The following MCF2L variants were observed in gnomAD, a reference collection of about 807,000 sequenced individuals.
The protein encoded by MCF2L is MCF.2 cell line derived transforming sequence like.
In MCF2L, 97 loss-of-function variants were observed where a neutral mutation model predicts 153.4. The observed-to-expected ratio is 0.63, with a 90% CI of 0.54 to 0.75. MCF2L has a LOEUF of 0.75. Among genes scored for constraint, MCF2L ranks in the 30% least tolerant of loss-of-function variants. MCF2L has a pLI of 0.00. For synonymous variants in MCF2L, 659 were observed against 632.2 expected (o/e 1.04, Z -0.64); for missense variants, 1,347 against 1,495.2 (o/e 0.90, Z 1.64).
At chr13:113,022,203 CCT>C (rs1279825308) in intron 2 of MCF2L, among the ~76,000 whole-genome samples, 1 of 151,730 alleles carries the variant, frequency 6.6e-6, no homozygotes, top group Non-Finnish European at 1.5e-5. Flanking sequence ...CCACTCTCCA[CCT>C]CTGTGTCCAC....
intron 21 of MCF2L, 123 bp from the exon 22 acceptor site, chr13:113,087,112 C>T (rs577291943): frequency 3.6e-5 from 28 of 786,570 alleles, no homozygotes; most frequent in African/African-American, 1.7e-4. Context: ...TTTCCTGGGA[C>T]GCCCTGCAGC....
At chr13:112,996,827 G>A (rs772463460) in intron 1 of MCF2L, among the ~76,000 whole-genome samples, 8 of 152,202 alleles carry the variant, frequency 5.3e-5, no homozygotes, top group African/African-American at 1.7e-4. Flanking sequence ...CTGGACGGGG[G>A]CTGTGTTGTG....
rs958535447 is a variant in MCF2L, at chr13:112,904,170, G to A, written c.169+1799G>A. Among the ~76,000 whole-genome samples the A allele has an allele frequency of 6.6e-6, 1 of 152,094 alleles. No homozygotes were observed. Among genetic ancestry groups the A allele is most frequent in the Non-Finnish European group, 1.5e-5 (1 of 68,004 alleles). On this transcript the variant is annotated intron_variant, in intron 2 of 29. Coordinates refer to the MCF2L transcript ENST00000375608. The surrounding 1 kb of genome is among the most constrained non-coding windows in gnomAD (Gnocchi z 4.2). Reference sequence around the variant, plus strand: ...GAGGTTAAGGTTAGGGTTAGGGGTTGGGACTGGGGTAGGGGTAGGTGTTAG... The same window carrying A: ...GAGGTTAAGGTTAGGGTTAGGGGTTAGGACTGGGGTAGGGGTAGGTGTTAG...
chr13:113,041,590 A>G (rs2006423), intron 3 of MCF2L, among the ~76,000 whole-genome samples: 61,256 of 149,188 alleles, frequency 0.41, 13,285 homozygotes, highest in African/African-American at 0.55. Flanking sequence ...CCCTGCCCCC[A>G]TGACCACAGT....
intron 2 of MCF2L, among the ~76,000 whole-genome samples, chr13:113,016,558 C>G (rs550433399): frequency 2.0e-5 from 3 of 152,168 alleles, no homozygotes; most frequent in Non-Finnish European, 4.4e-5. Flanking sequence ...CCAAAGCCTC[C>G]GTCGGCTCCT....
rs1029314693 is a variant in MCF2L, at chr13:113,028,569, C to T, written c.278+3811C>T. Among the ~76,000 whole-genome samples the T allele has an allele frequency of 2.6e-5, 4 of 152,230 alleles. No homozygotes were observed. Among genetic ancestry groups the T allele is most frequent in the African/African-American group, 7.2e-5 (3 of 41,464 alleles). On this transcript the variant is annotated intron_variant, in intron 3 of 29. Coordinates refer to ENST00000535094, the MANE Select transcript of MCF2L (RefSeq NM_001112732.3). The surrounding 1 kb of genome is among the most constrained non-coding windows in gnomAD (Gnocchi z 5.4). ...AGGCCCAGTCCCCGCTGTGGACACG[C>T]GGGCCCCAGGTTGCTCAGAGGCAGC...
chr13:113,050,451 C>T (rs755931647), intron 4 of MCF2L, among the ~76,000 whole-genome samples: 3 of 151,304 alleles, frequency 2.0e-5, no homozygotes, highest in Non-Finnish European at 4.4e-5. Flanking sequence ...CTGCATGGGG[C>T]CACAACTCTC....
chr13:113,000,801 C>A (rs993067258), intron 1 of MCF2L, among the ~76,000 whole-genome samples: 2 of 152,198 alleles, frequency 1.3e-5, no homozygotes, highest in African/African-American at 2.4e-5. Flanking sequence ...TAAGGCTCTG[C>A]GGAGAAAGGC....
In MCF2L at chr13:113,078,238, G is replaced by A. The variant is rs561762205; in HGVS notation, c.1661-125G>A. The stretch of plus-strand genomic sequence containing the variant: ...GCCTCAGAGGCCAAGTCCTGCCCAC[G>A]CCACCACCTGTGGCCTCAGAGGCCG... On this transcript the variant is annotated intron_variant, in intron 13 of 29. Transcript: ENST00000535094. 30 of 756,432 alleles carry A rather than the reference G, an allele frequency of 4.0e-5. 1 individual carries two copies. The highest frequency in any genetic ancestry group is 3.5e-4 in the South Asian group (22 of 62,020). The allele number at this position is 756,432 out of a possible 1,614,324, so 46.9% of individuals were successfully genotyped here.
chr13:112,980,026 A>C (rs998405313), intron 1 of MCF2L, among the ~76,000 whole-genome samples: 1 of 152,114 alleles, frequency 6.6e-6, no homozygotes, highest in Non-Finnish European at 1.5e-5. Context: ...CTCCGATTGG[A>C]AAGACGAGTG....
At chr13:112,936,575 A>C (rs967561489) in intron 2 of MCF2L, among the ~76,000 whole-genome samples, 2 of 152,242 alleles carry the variant, frequency 1.3e-5, no homozygotes, top group African/African-American at 4.8e-5. Context: ...CTGGCAGCAG[A>C]AAATTCAGGG....
At chr13:112,974,978 T>A (rs150981211) in intron 1 of MCF2L, among the ~76,000 whole-genome samples, 1 of 152,208 alleles carries the variant, frequency 6.6e-6, no homozygotes, top group African/African-American at 2.4e-5. Context: ...ACTCTCAACA[T>A]AGCCCCTTCT....
rs1027001334 is a variant in MCF2L at position 112,993,470 on chromosome 13, A to T, written c.80-21293A>T. On this transcript the variant is annotated intron_variant, in intron 1 of 29. Coordinates refer to ENST00000535094, the MANE Select transcript of MCF2L (RefSeq NM_001112732.3). The surrounding 1 kb of genome is among the most constrained non-coding windows in gnomAD (Gnocchi z 4.6). ...AGGGAGCAGGTGGCAGTCGGGAGGGACTGCATGGAAACAAGTGGCTTAGGA... is the reference window on the plus strand; with the variant it reads ...AGGGAGCAGGTGGCAGTCGGGAGGGTCTGCATGGAAACAAGTGGCTTAGGA... Among the ~76,000 whole-genome samples the T allele has an allele frequency of 1.3e-5, 2 of 151,864 alleles. No homozygotes were observed. Among genetic ancestry groups the T allele is most frequent in the Non-Finnish European group, 2.9e-5 (2 of 67,956 alleles).
chr13:113,037,459 G>A (rs555210693), intron 3 of MCF2L, among the ~76,000 whole-genome samples: 1 of 152,258 alleles, frequency 6.6e-6, no homozygotes, highest in East Asian at 1.9e-4. Context: ...GACTAAACTG[G>A]TTCAGAGCCA....
At chr13:113,019,950 C>T (rs143902672) in intron 2 of MCF2L, among the ~76,000 whole-genome samples, 219 of 152,296 alleles carry the variant, frequency 1.4e-3, no homozygotes, top group African/African-American at 4.5e-3. Flanking sequence ...TTGGGCCTCC[C>T]GGCCTATGGT....
rs374836916 is a variant in MCF2L, at chr13:113,002,290, G to A, written c.80-12473G>A. On this transcript the variant is annotated intron_variant, in intron 1 of 29. Coordinates refer to ENST00000535094, the MANE Select transcript of MCF2L (RefSeq NM_001112732.3). ...GCCCTTGGCCTGTGAGGGACTGTCT[G>A]TGCTGGTCCCAGAAGGCTGGGATCA... Among the ~76,000 whole-genome samples, 287 of 152,370 alleles carry A rather than the reference G, an allele frequency of 1.9e-3. 3 individuals carry two copies. Among genetic ancestry groups the A allele is most frequent in the South Asian group, 0.013 (61 of 4,832 alleles).
chr13:113,044,263 C>T (rs1033921377), intron 3 of MCF2L: 4 of 268,036 alleles, frequency 1.5e-5, no homozygotes, highest in East Asian at 8.5e-5. Flanking sequence ...GGGACACAGA[C>T]GCAGCAGCAC....
intron 3 of MCF2L, chr13:113,026,974 GC>G: frequency 1.3e-6 from 1 of 778,792 alleles, no homozygotes; most frequent in Non-Finnish European, 2.4e-6. Context: ...CCAGGAAGAT[GC>G]TGAGAATGTC....
chr13:112,964,981 G>A (rs758834191), upstream of MCF2L: 1 of 152,190 alleles, frequency 6.6e-6, no homozygotes, highest in Admixed American at 6.5e-5. Flanking sequence ...AGATGACAGA[G>A]TCCAGGTCAG....
Sources: allele counts gnomAD v4.1 joint callset (sites outside exome capture counted in the v4.1 genomes callset), GRCh38; gene constraint gnomAD v4.1.1; non-coding constraint Gnocchi (gnomAD v3.1); transcripts MANE v1.5; gene names NCBI Gene and HGNC (gene_info 2026-07-23, HGNC 2026-07-21).